Variants in ATP6V0A2 observed in about 807,000 individuals in gnomAD.
ATP6V0A2 encodes V-type proton ATPase 116 kDa subunit a 2.
Under a neutral mutation model 104.4 loss-of-function variants are expected in ATP6V0A2, and 58 were observed. The observed-to-expected ratio is 0.56, with a 90% confidence interval of 0.45 to 0.69. The LOEUF (loss-of-function observed/expected upper bound fraction) is 0.69. Among genes scored for constraint, ATP6V0A2 ranks in the 30% least tolerant of loss-of-function variants. ATP6V0A2 has a pLI of 0.00. For missense variants in ATP6V0A2, 938 were observed against 1,062.9 expected (o/e 0.88, Z 1.63); for synonymous variants, 376 against 397.9 (o/e 0.95, Z 0.65).
intron 16 of ATP6V0A2, among the ~76,000 whole-genome samples, chr12:123,752,006 C>T (rs981744825): frequency 1.3e-5 from 2 of 151,864 alleles, no homozygotes; most frequent in African/African-American, 4.8e-5. Context: ...CTACAGGCGC[C>T]CGCCACCACG....
chr12:123,749,568 T>G (rs1956695168), intron 15 of ATP6V0A2, among the ~76,000 whole-genome samples: 1 of 152,218 alleles, frequency 6.6e-6, no homozygotes, highest in Non-Finnish European at 1.5e-5. Flanking sequence ...AAAATGGGAC[T>G]AAAAACAGGA....
chr12:123,761,021 C>T lies in ATP6V0A2; in HGVS notation c.*2989C>T, dbSNP rs956303495. On this transcript the variant is annotated 3_prime_UTR_variant, in exon 20 of 20. Transcript: ENST00000330342. ...TCCTGGGTTTAAGCAATTCTCCTGC[C>T]CTAGCCTCCCGAGTAGCTGGGATTA... 2.0e-5 allele frequency: 3 copies of T among 152,262 alleles called. No individual in the cohort carries two copies. The highest frequency in any genetic ancestry group is 7.2e-5 in the African/African-American group (3 of 41,440). 9.4% of individuals were successfully genotyped at this position (152,262 alleles called of 1,614,324 possible).
intron 15 of ATP6V0A2, 184 bp from the exon 16 acceptor site, chr12:123,750,915 TGTTATTCATCA>T: frequency 1.5e-6 from 1 of 654,480 alleles, no homozygotes; most frequent in East Asian, 2.8e-5. Context: ...GGGTCATTAA[TGTTATTCATCA>T]GTTCTAGAAT....
In ATP6V0A2 at chr12:123,758,693, T is replaced by G. The variant is rs1323917397; in HGVS notation, c.*661T>G. On this transcript the variant is annotated 3_prime_UTR_variant, in exon 20 of 20. Transcript: ENST00000330342. ...GCGCCACCGTGACCAGCTAATTTTTTTGTATTTTTGTAGAGATGGGGTTTC... is the reference window on the plus strand; with the variant it reads ...GCGCCACCGTGACCAGCTAATTTTTGTGTATTTTTGTAGAGATGGGGTTTC... 2 of 152,058 alleles carry G rather than the reference T, an allele frequency of 1.3e-5. No individual in the cohort carries two copies. Among genetic ancestry groups the G allele is most frequent in the Non-Finnish European group, 2.9e-5 (2 of 68,062 alleles). The allele number at this position is 152,058 out of a possible 1,614,324, so 9.4% of individuals were successfully genotyped here. A position where few individuals can be genotyped will look rare whatever the true frequency, so the allele number is the denominator to read the frequency against.
intron 6 of ATP6V0A2, chr12:123,732,517 T>A (rs1956510951): frequency 6.6e-6 from 1 of 152,258 alleles, no homozygotes; most frequent in Non-Finnish European, 1.5e-5. Context: ...TGTTACTACA[T>A]CCCTCCCCGG....
chr12:123,743,889 C>T lies in ATP6V0A2; in HGVS notation c.1143C>T (p.Asn381=), dbSNP rs1956634171. 6.2e-7 allele frequency: 1 copy of T among 1,614,218 alleles called. No individual in the cohort carries two copies. ...RTNKFTEGFQ[N]IVDAYGVGSY... ...ACAAATTCACCGAGGGATTTCAGAACATCGTGGATGCTTATGGAGTCGGAA... is the reference window on the plus strand; with the variant it reads ...ACAAATTCACCGAGGGATTTCAGAATATCGTGGATGCTTATGGAGTCGGAA... Residue 381 remains asparagine (N), a synonymous_variant, in exon 10 of 20, where the codon AAC becomes AAT. Transcript: ENST00000330342.
chr12:123,745,649 T>G (rs1158280535), intron 13 of ATP6V0A2, among the ~76,000 whole-genome samples: 1 of 149,528 alleles, frequency 6.7e-6, no homozygotes, highest in Non-Finnish European at 1.5e-5. Context: ...AAGCTTGCAG[T>G]GAGCCGAGAT....
chr12:123,755,314 G>T (rs1956752653), intron 18 of ATP6V0A2, among the ~76,000 whole-genome samples: 1 of 152,028 alleles, frequency 6.6e-6, no homozygotes, highest in South Asian at 2.1e-4. Flanking sequence ...GAGGCAGGTG[G>T]ATCACCTGAG....
At chr12:123,717,314 C>CAAAAAAAAAAAA (rs538974425) in intron 1 of ATP6V0A2, among the ~76,000 whole-genome samples, 1 of 106,864 alleles carries the variant, frequency 9.4e-6, no homozygotes, top group African/African-American at 3.7e-5. Context: ...AACTCTGTCT[C>CAAAAAAAAAAAA]AAAAAAAAAA....
In ATP6V0A2 at chr12:123,712,583, G is replaced by A. The variant is rs1274398806; in HGVS notation, c.18G>A (p.Arg6=). Residue 6 remains arginine, a synonymous_variant, in exon 1 of 20, where the codon CGG becomes CGA. Coordinates refer to ENST00000330342, the MANE Select transcript of ATP6V0A2 (RefSeq NM_012463.4). MGSLF[R]SETMCLAQLF... is the part of the protein sequence containing the mutation. ...GGCCCGCCATGGGGTCCCTGTTCCG[G>A]AGCGAGACCATGTGCCTGGCGCAGC... 10 of 1,597,632 alleles carry A rather than the reference G, an allele frequency of 6.3e-6. No individual in the cohort carries two copies. The South Asian group carries it at 1.0e-4, about 16-fold the overall frequency.
At chr12:123,726,139 T>G in intron 4 of ATP6V0A2, 58 bp from the exon 5 acceptor site, 2 of 1,365,666 alleles carry the variant, frequency 1.5e-6, no homozygotes, top group Non-Finnish European at 2.1e-6. Context: ...AAATTTGACA[T>G]GAGAAATAAA....
chr12:123,735,142 CGTGTGTGT>C (rs56266144), intron 7 of ATP6V0A2, among the ~76,000 whole-genome samples: 7 of 148,500 alleles, frequency 4.7e-5, no homozygotes, highest in Non-Finnish European at 1.0e-4. Flanking sequence ...CTTTTGTTTT[CGTGTGTGT>C]GTGTGTGTGT....
intron 6 of ATP6V0A2, among the ~76,000 whole-genome samples, chr12:123,728,709 G>A (rs1389294486): frequency 2.6e-5 from 4 of 152,374 alleles, no homozygotes; most frequent in Admixed American, 1.3e-4. Flanking sequence ...TGGCAGGAGC[G>A]TTGCTGAAGT....
chr12:123,753,616 C>T (rs540457384), intron 17 of ATP6V0A2, among the ~76,000 whole-genome samples: 1 of 152,218 alleles, frequency 6.6e-6, no homozygotes, highest in Non-Finnish European at 1.5e-5. Flanking sequence ...AGTCACATTG[C>T]GGTTAGGGCT....
rs1183134612 is a variant in ATP6V0A2 at position 123,761,510 on chromosome 12, T to C, written c.*3478T>C. 2.6e-5 allele frequency: 4 copies of C among 152,092 alleles called. No homozygotes were observed. Among genetic ancestry groups the C allele is most frequent in the African/African-American group, 9.7e-5 (4 of 41,410 alleles). The allele number at this position is 152,092 out of a possible 1,614,324, so 9.4% of individuals were successfully genotyped here. A position where few individuals can be genotyped will look rare whatever the true frequency, so the allele number is the denominator to read the frequency against. On this transcript the variant is annotated 3_prime_UTR_variant, in exon 20 of 20. Coordinates refer to ENST00000330342, the MANE Select transcript of ATP6V0A2 (RefSeq NM_012463.4). ...CCCACAGTCAGGCCATTTTTGCTGA[T>C]TTGGTTTAGAATTTTCAGAAATACT...
rs997721857 is a variant in ATP6V0A2 at position 123,729,640 on chromosome 12, T to C, written c.648+1731T>C. ...TTCAAAGTAAAAATAACTGTTGTTTTAAATGAGGATGAACTGCTGATCTAC... is the reference window on the plus strand; with the variant it reads ...TTCAAAGTAAAAATAACTGTTGTTTCAAATGAGGATGAACTGCTGATCTAC... On this transcript the variant is annotated intron_variant, in intron 6 of 19. Transcript: ENST00000330342. 4.6e-5 allele frequency among the ~76,000 whole-genome samples: 7 copies of C among 152,318 alleles called. 1 individual carries two copies. The South Asian group carries it at 1.5e-3, about 32-fold the overall frequency.
intron 6 of ATP6V0A2, chr12:123,731,335 G>A (rs185580845): frequency 7.2e-5 from 11 of 152,288 alleles, no homozygotes; most frequent in Admixed American, 5.2e-4. Flanking sequence ...TGGGTTCAAT[G>A]TCTGACCCTC....
At chr12:123,719,948 TC>T (rs1354532380) in intron 2 of ATP6V0A2, among the ~76,000 whole-genome samples, 1 of 152,070 alleles carries the variant, frequency 6.6e-6, no homozygotes, top group African/African-American at 2.4e-5. Flanking sequence ...AGGGTCTCTC[TC>T]CCCCGTATAA....
chr12:123,735,108 C>A (rs1166557526), intron 7 of ATP6V0A2, among the ~76,000 whole-genome samples: 6 of 151,648 alleles, frequency 4.0e-5, no homozygotes, highest in Non-Finnish European at 7.4e-5. Context: ...AAGGCAACTG[C>A]TAGGAAGCCA....
Sources: allele counts gnomAD v4.1 joint callset (sites outside exome capture counted in the v4.1 genomes callset), GRCh38; gene constraint gnomAD v4.1.1; transcripts MANE v1.5; gene names NCBI Gene and HGNC (gene_info 2026-07-23, HGNC 2026-07-21).